The following LIFR variants were observed in gnomAD, a reference collection of about 807,000 sequenced individuals.
LIFR encodes leukemia inhibitory factor receptor.
Under a neutral mutation model 122.2 loss-of-function variants are expected in LIFR, and 84 were observed. The observed-to-expected ratio is 0.69, with a 90% confidence interval of 0.58 to 0.82. The LOEUF (loss-of-function observed/expected upper bound fraction) is 0.82, where lower values mean the gene tolerates loss of function less well. LIFR is among the 40% of genes least tolerant of loss of function. LIFR has a pLI of 0.00. For synonymous variants in LIFR, 422 were observed against 434.7 expected (o/e 0.97, Z 0.36); for missense variants, 1,294 against 1,311.6 (o/e 0.99, Z 0.21).
Position 38,564,779 on chromosome 5 carries a change from T to C in LIFR, c.-20+30482A>G, listed in dbSNP as rs867329426. Among the ~76,000 whole-genome samples the C allele has an allele frequency of 7.2e-3, 882 of 123,010 alleles. 7 individuals are homozygous for C. Among genetic ancestry groups the C allele is most frequent in the African/African-American group, 0.017 (558 of 31,902 alleles). 80.7% of individuals were successfully genotyped at this position (123,010 alleles called of 152,430 possible). Reference sequence around the variant, plus strand: ...ACACACACACACACACACACACACATATATTTTTTTTTTGAGTCAGAGTCT... The same window carrying C: ...ACACACACACACACACACACACACACATATTTTTTTTTTGAGTCAGAGTCT... On this transcript the variant is annotated intron_variant, in intron 1 of 19. Transcript: ENST00000263409.
At chr5:38,551,809 T>G (rs1258169266) in intron 1 of LIFR, among the ~76,000 whole-genome samples, 1 of 152,206 alleles carries the variant, frequency 6.6e-6, no homozygotes, top group African/African-American at 2.4e-5. Context: ...AAGCATAGAA[T>G]AGTATCTCCC....
chr5:38,564,777 CAT>C lies in LIFR; in HGVS notation c.-20+30482_-20+30483del, dbSNP rs1554029456. On this transcript the variant is annotated intron_variant, in intron 1 of 19. Coordinates refer to the LIFR transcript ENST00000263409. ...ACACACACACACACACACACACACA[CAT>C]ATATTTTTTTTTTGAGTCAGAGTCT... 4.2e-3 allele frequency among the ~76,000 whole-genome samples: 558 copies of C among 132,990 alleles called. 2 individuals carry two copies. The highest frequency in any genetic ancestry group is 7.1e-3 in the African/African-American group (257 of 36,020). The allele number at this position is 132,990 out of a possible 152,430, so 87.2% of individuals were successfully genotyped here. A position where few individuals can be genotyped will look rare whatever the true frequency, so the allele number is the denominator to read the frequency against.
intron 13 of LIFR, 26 bp downstream of exon 13, chr5:38,496,356 T>C: frequency 6.5e-7 from 1 of 1,531,686 alleles, no homozygotes; most frequent in Non-Finnish European, 9.1e-7. Context: ...CCCGTTCTTA[T>C]ATACTAAATC....
chr5:38,601,822 G>A (rs566715679), intron 2 of LIFR, among the ~76,000 whole-genome samples: 2 of 152,236 alleles, frequency 1.3e-5, no homozygotes, highest in South Asian at 2.1e-4. Flanking sequence ...AGACCTGTAA[G>A]TCTACCTATA....
intron 11 of LIFR, 119 bp from the exon 12 acceptor site, chr5:38,499,702 T>C: frequency 1.3e-6 from 1 of 749,326 alleles, no homozygotes. Flanking sequence ...TTCAGTGGCT[T>C]CCACTTAGAA....
chr5:38,518,408 A>G (rs1746219951), intron 5 of LIFR, among the ~76,000 whole-genome samples: 2 of 152,284 alleles, frequency 1.3e-5, no homozygotes, highest in South Asian at 2.1e-4. Flanking sequence ...GAATCAAGGT[A>G]TACAGTAATG....
At position 38,493,734 on chromosome 5, in the gene LIFR, G is replaced by C. The variant is rs79040751; in HGVS notation, c.1937C>G (p.Thr646Ser). 1.2e-6 allele frequency: 2 copies of C among 1,614,084 alleles called. No individual in the cohort carries two copies. Among genetic ancestry groups the C allele is most frequent in the East Asian group, 4.5e-5 (2 of 44,876 alleles). Residue 646 changes from threonine (T) to serine (S), a missense_variant, in exon 14 of 20, where the codon ACC (threonine) becomes AGC (serine). Coordinates refer to ENST00000453190, the MANE Select transcript of LIFR (RefSeq NM_001127671.2). ...AGTCATGTTGGGGTCGTAATGCCAG[G>C]TGAGGAGAATCCCCTTTCCCATCCC... ...VVGMGKGILL[T>S]WHYDPNMTCD... is the part of the protein sequence containing the mutation.
chr5:38,509,928 T>C (rs745740192), intron 7 of LIFR, among the ~76,000 whole-genome samples: 28 of 152,316 alleles, frequency 1.8e-4, no homozygotes, highest in Admixed American at 3.3e-4. Flanking sequence ...TGACAGAGCA[T>C]ACAACATATA....
At chr5:38,518,059 C>T (rs1746199251) in intron 5 of LIFR, among the ~76,000 whole-genome samples, 1 of 150,962 alleles carries the variant, frequency 6.6e-6, no homozygotes, top group Admixed American at 6.6e-5. Context: ...CTGCAGTCAG[C>T]TATATGATCA....
chr5:38,601,458 G>T (rs1040798149), intron 2 of LIFR, among the ~76,000 whole-genome samples: 10 of 152,234 alleles, frequency 6.6e-5, no homozygotes, highest in African/African-American at 2.2e-4. Flanking sequence ...GGAAGAGAAA[G>T]AGATGCCAGG....
chr5:38,516,122 A>T (rs184253838), intron 5 of LIFR, among the ~76,000 whole-genome samples: 1 of 152,238 alleles, frequency 6.6e-6, no homozygotes, highest in East Asian at 1.9e-4. Flanking sequence ...TCCCAAAAGT[A>T]AGGAATTACT....
upstream of LIFR, among the ~76,000 whole-genome samples, chr5:38,597,000 G>T (rs1750115438): frequency 6.6e-6 from 1 of 152,220 alleles, no homozygotes; most frequent in African/African-American, 2.4e-5. Flanking sequence ...TCTGGGACAG[G>T]ATGTCCCCAT....
chr5:38,514,143 C>G (rs1318136053), intron 5 of LIFR, among the ~76,000 whole-genome samples: 1 of 151,658 alleles, frequency 6.6e-6, no homozygotes, highest in Non-Finnish European at 1.5e-5. Flanking sequence ...ATAGAAAATA[C>G]ATAGAAAACA....
intron 1 of LIFR, among the ~76,000 whole-genome samples, chr5:38,537,131 A>G (rs1747331793): frequency 6.6e-6 from 1 of 152,168 alleles, no homozygotes; most frequent in Non-Finnish European, 1.5e-5. Context: ...TGTCAAAACA[A>G]GTTTGAATAC....
upstream of LIFR, among the ~76,000 whole-genome samples, chr5:38,560,655 G>T (rs1025744084): frequency 1.3e-5 from 2 of 151,350 alleles, no homozygotes; most frequent in African/African-American, 4.9e-5. Flanking sequence ...GGAGTGCAGT[G>T]GTGCAATCTC....
At chr5:38,569,809 T>G (rs1186445703) in intron 1 of LIFR, among the ~76,000 whole-genome samples, 1 of 152,212 alleles carries the variant, frequency 6.6e-6, no homozygotes, top group Non-Finnish European at 1.5e-5. Flanking sequence ...CTATATCAAA[T>G]TCTACCTCCT....
rs1187288698 is a variant in LIFR at position 38,530,619 on chromosome 5, C to T, written c.29G>A (p.Arg10Gln). 5.6e-6 allele frequency: 9 copies of T among 1,612,948 alleles called. No individual in the cohort carries two copies. Among genetic ancestry groups the T allele is most frequent in the African/African-American group, 1.3e-5 (1 of 74,868 alleles). Reference sequence around the variant, plus strand: ...TTTATTGTCCACCATCCAGGATGGTCGTTTCAAACATACGTAAATATCCAT... The same window carrying T: ...TTTATTGTCCACCATCCAGGATGGTTGTTTCAAACATACGTAAATATCCAT... MMDIYVCLK[R>Q]PSWMVDNKRM... is the part of the protein sequence containing the mutation. Residue 10 changes from arginine to glutamine, a missense_variant, in exon 2 of 20, where the codon CGA becomes CAA. Coordinates refer to ENST00000453190, the MANE Select transcript of LIFR (RefSeq NM_001127671.2).
upstream of LIFR, among the ~76,000 whole-genome samples, chr5:38,598,020 T>C (rs1287045672): frequency 6.6e-6 from 1 of 151,442 alleles, no homozygotes; most frequent in African/African-American, 2.4e-5. Flanking sequence ...TAGGAGGTGA[T>C]AATAAGAAAA....
At chr5:38,540,132 A>C (rs1285060265) in intron 1 of LIFR, among the ~76,000 whole-genome samples, 1 of 152,164 alleles carries the variant, frequency 6.6e-6, no homozygotes, top group Non-Finnish European at 1.5e-5. Context: ...CTACCACTGA[A>C]TAGGTGACAG....
Sources: gnomAD v4.1 joint callset for allele counts (sites outside exome capture counted in the v4.1 genomes callset) on GRCh38, gnomAD v4.1.1 for gene constraint, MANE v1.5 for transcripts, NCBI Gene and HGNC (gene_info 2026-07-23, HGNC 2026-07-21) for gene names.